The following RIPK1 variants were observed in gnomAD, a reference collection of about 807,000 sequenced individuals.
RIPK1 encodes the protein receptor interacting serine/threonine kinase 1, also known as receptor-interacting serine/threonine-protein kinase 1.
Under a neutral mutation model 62.4 loss-of-function variants are expected in RIPK1, and 27 were observed. The ratio of observed to expected loss-of-function variants is 0.43; its 90% CI spans 0.32 to 0.60. The LOEUF (loss-of-function observed/expected upper bound fraction) is 0.60, where lower values mean the gene tolerates loss of function less well. Among genes scored for constraint, RIPK1 ranks in the 20% least tolerant of loss-of-function variants. The probability of loss-of-function intolerance (pLI) is 0.07; values close to 1 mark genes in which losing one functional copy is unlikely to be tolerated. For synonymous variants in RIPK1, 287 were observed against 303.2 expected (o/e 0.95, Z 0.55); for missense variants, 735 against 831.0 (o/e 0.88, Z 1.42).
chr6:3,075,040 AAC>A (rs1264372283), intron 1 of RIPK1, among the ~76,000 whole-genome samples: 2 of 152,182 alleles, frequency 1.3e-5, no homozygotes, highest in African/African-American at 4.8e-5. Context: ...CTCAAAGCAA[AAC>A]ACAGACACGC....
intron 3 of RIPK1, among the ~76,000 whole-genome samples, 174 bp from the exon 4 acceptor site, chr6:3,080,805 C>T (rs971397596): frequency 6.6e-6 from 1 of 151,576 alleles, no homozygotes; most frequent in Middle Eastern, 3.2e-3. Flanking sequence ...CTCTGCCCCC[C>T]CCCGAATGAA....
chr6:3,104,138 TG>T (rs1760711679), intron 7 of RIPK1, 86 bp from the exon 8 acceptor site: 2 of 611,780 alleles, frequency 3.3e-6, no homozygotes, highest in African/African-American at 3.7e-5. Flanking sequence ...TTCTACCTTC[TG>T]AAAATATGAA....
intron 3 of RIPK1, among the ~76,000 whole-genome samples, chr6:3,079,953 T>A (rs1759292548): frequency 6.6e-6 from 1 of 152,144 alleles, no homozygotes; most frequent in African/African-American, 2.4e-5. Context: ...GGTGCACCTG[T>A]TTGGACTCAG....
chr6:3,109,824 C>T (rs536646325), intron 9 of RIPK1, among the ~76,000 whole-genome samples: 1 of 152,328 alleles, frequency 6.6e-6, no homozygotes, highest in East Asian at 1.9e-4. Flanking sequence ...AACCACCATT[C>T]TACTCTCTGT....
At chr6:3,094,203 G>A (rs1007839033) in intron 7 of RIPK1, among the ~76,000 whole-genome samples, 25 of 140,024 alleles carry the variant, frequency 1.8e-4, no homozygotes, top group South Asian at 2.1e-4. Context: ...TAACTGCAGA[G>A]TACCTACCTG....
rs1760820797 is a variant in RIPK1 at position 3,105,825 on chromosome 6, C to A, written c.1350C>A (p.His450Gln). The change falls in exon 9 of 11, where the codon CAC becomes CAA. Residue 450 changes from histidine to glutamine, a missense_variant. By Grantham distance (24) the His-to-Gln change is conservative. This residue lies in a region of RIPK1 where 671 missense variants were observed against 726.2 expected (regional missense o/e 0.92). Transcript: ENST00000259808. The surrounding 1 kb of genome is among the most constrained non-coding windows in gnomAD (Gnocchi z 4.5). The part of the protein sequence containing the change: ...SSAASHGNAV[H>Q]QPSGLTSQPQ... ...CAGCCAGTCATGGTAATGCAGTGCA[C>A]CAGCCCTCAGGGCTCACCAGCCAAC... 6.2e-7 allele frequency: 1 copy of A among 1,614,010 alleles called. No individual in the cohort carries two copies. Among genetic ancestry groups the A allele is most frequent in the Non-Finnish European group, 8.5e-7 (1 of 1,179,882 alleles).
intron 7 of RIPK1, among the ~76,000 whole-genome samples, chr6:3,094,582 T>C (rs1561765871): frequency 7.1e-6 from 1 of 140,620 alleles, no homozygotes; most frequent in Non-Finnish European, 1.5e-5. Flanking sequence ...AAATATTTCA[T>C]ATATATATAT....
intron 3 of RIPK1, among the ~76,000 whole-genome samples, chr6:3,079,048 G>T (rs900868343): frequency 2.0e-5 from 3 of 151,962 alleles, no homozygotes; most frequent in African/African-American, 7.3e-5. Context: ...GAGTAGCTGG[G>T]ACTATGGGCA....
chr6:3,067,812 G>A (rs374864502), upstream of RIPK1, among the ~76,000 whole-genome samples: 74 of 151,364 alleles, frequency 4.9e-4, no homozygotes, highest in East Asian at 0.01. Flanking sequence ...GCGCGATCTC[G>A]GCTCACTACA....
At chr6:3,098,432 T>C (rs965868569) in intron 7 of RIPK1, among the ~76,000 whole-genome samples, 14 of 152,134 alleles carry the variant, frequency 9.2e-5, no homozygotes, top group African/African-American at 3.4e-4. Flanking sequence ...ATAATATGTG[T>C]CTAAACATTG....
chr6:3,087,923 T>C (rs1282359747), intron 6 of RIPK1, among the ~76,000 whole-genome samples: 1 of 152,224 alleles, frequency 6.6e-6, no homozygotes, highest in Non-Finnish European at 1.5e-5. Flanking sequence ...ACTTTCTATT[T>C]TTCATTTGTT....
At chr6:3,094,123 GCACCTAGTAACTGCAGAGTA>G (rs1760150364) in intron 7 of RIPK1, among the ~76,000 whole-genome samples, 1 of 141,374 alleles carries the variant, frequency 7.1e-6, no homozygotes, top group Non-Finnish European at 1.5e-5. Flanking sequence ...CCTACCTGCC[GCACCTAGTAACTGCAGAGTA>G]CCTACCTGCC....
chr6:3,113,351 C>G lies in RIPK1; in HGVS notation c.*12C>G. ...TCAGCCAGAACTAACCCTGGATGGG[C>G]TACGGCAGCTGAAGTGGACGCCTCA... On this transcript the variant is annotated 3_prime_UTR_variant, in exon 11 of 11. Coordinates refer to ENST00000259808, the MANE Select transcript of RIPK1 (RefSeq NM_001354930.2). This position sits in a 1 kb window ranked among gnomAD's most constrained non-coding sequence, Gnocchi z 5.0. 3 of 1,607,310 alleles carry G rather than the reference C, an allele frequency of 1.9e-6. No homozygotes were observed. Among genetic ancestry groups the G allele is most frequent in the Non-Finnish European group, 2.6e-6 (3 of 1,175,904 alleles).
chr6:3,094,202 A>C (rs1488822938), intron 7 of RIPK1, among the ~76,000 whole-genome samples: 4 of 134,194 alleles, frequency 3.0e-5, no homozygotes, highest in South Asian at 2.2e-4. Flanking sequence ...GTAACTGCAG[A>C]GTACCTACCT....
At chr6:3,108,001 A>G (rs1760950940) in intron 9 of RIPK1, among the ~76,000 whole-genome samples, 1 of 151,646 alleles carries the variant, frequency 6.6e-6, no homozygotes, top group Admixed American at 6.6e-5. Flanking sequence ...GCAAATTTAA[A>G]TAAGTCTTCT....
At chr6:3,100,428 A>G (rs2113676629) in intron 7 of RIPK1, among the ~76,000 whole-genome samples, 1 of 152,072 alleles carries the variant, frequency 6.6e-6, no homozygotes, top group South Asian at 2.1e-4. Flanking sequence ...TGTCTCAAAT[A>G]TATATATATT....
At chr6:3,109,213 C>T (rs577537991) in intron 9 of RIPK1, among the ~76,000 whole-genome samples, 15 of 152,206 alleles carry the variant, frequency 9.9e-5, no homozygotes, top group African/African-American at 2.4e-4. Flanking sequence ...AGATACAGAG[C>T]GGCGCAGGGC....
chr6:3,083,662 T>C (rs980251076), intron 5 of RIPK1, among the ~76,000 whole-genome samples: 1 of 152,190 alleles, frequency 6.6e-6, no homozygotes, highest in East Asian at 1.9e-4. Flanking sequence ...ATTGGGAATA[T>C]AAAGATGAGT....
intron 2 of RIPK1, 62 bp downstream of exon 2, chr6:3,077,049 T>TGGAGCCGTTGGCTGCTGC: frequency 6.8e-7 from 1 of 1,478,574 alleles, no homozygotes; most frequent in Non-Finnish European, 9.1e-7. Context: ...TTGGCTGTTG[T>TGGAGCCGTTGGCTGCTGC]GGAGCCGTTG....
Sources: gnomAD v4.1 joint callset for allele counts (sites outside exome capture counted in the v4.1 genomes callset) on GRCh38, gnomAD v4.1.1 for gene constraint, gnomAD v4.1.1 regional missense constraint, Gnocchi (gnomAD v3.1) non-coding constraint, MANE v1.5 for transcripts, NCBI Gene and HGNC (gene_info 2026-07-23, HGNC 2026-07-21) for gene names.